Variants in SHROOM3 observed in about 807,000 individuals in gnomAD.
The protein encoded by SHROOM3 is protein Shroom3.
In SHROOM3, 47 loss-of-function variants were observed where a neutral mutation model predicts 138.6. The observed-to-expected ratio is 0.34, with a 90% CI of 0.27 to 0.43. The LOEUF is 0.43. Ranked by LOEUF, SHROOM3 falls within the 20% of genes least tolerant of loss-of-function variation. SHROOM3 has a pLI of 1.00. For missense variants in SHROOM3, 2,491 were observed against 2,596.5 expected, an observed-to-expected ratio of 0.96 and a Z score of 0.88; for synonymous variants, 1,062 against 1,063.3, an observed-to-expected ratio of 1.00 and a Z score of 0.02.
At chr4:76,767,532 C>T (rs1325367612) in intron 9 of SHROOM3, among the ~76,000 whole-genome samples, 2 of 152,116 alleles carry the variant, frequency 1.3e-5, no homozygotes, top group Non-Finnish European at 2.9e-5. Context: ...ACAAAATTAG[C>T]TGGGCGTGGT....
At chr4:76,738,651 C>T in intron 4 of SHROOM3, 110 bp from the exon 5 acceptor site, 1 of 1,374,368 alleles carries the variant, frequency 7.3e-7, no homozygotes, top group East Asian at 2.3e-5. Flanking sequence ...CCCACCCTTC[C>T]AAACACCAAA....
intron 9 of SHROOM3, among the ~76,000 whole-genome samples, chr4:76,766,275 G>A (rs1356241437): frequency 1.3e-5 from 2 of 152,228 alleles, no homozygotes; most frequent in African/African-American, 4.8e-5. Context: ...GTTTTCGGCA[G>A]GTGTTATTTT....
intron 2 of SHROOM3, among the ~76,000 whole-genome samples, chr4:76,660,526 A>G (rs1344853181): frequency 2.6e-5 from 4 of 152,150 alleles, no homozygotes; most frequent in African/African-American, 4.8e-5. Flanking sequence ...CCTGGGCTAG[A>G]GTGCAGTGGA....
At chr4:76,453,284 C>CT (rs113928987) in intron 1 of SHROOM3, among the ~76,000 whole-genome samples, 42,651 of 149,106 alleles carry the variant, frequency 0.29, 6,275 homozygotes, top group African/African-American at 0.38. Context: ...TAATTTTCTT[C>CT]TTTTTTTTTT....
At chr4:76,493,845 G>A (rs1560523603) in intron 1 of SHROOM3, among the ~76,000 whole-genome samples, 1 of 152,134 alleles carries the variant, frequency 6.6e-6, no homozygotes, top group African/African-American at 2.4e-5. Flanking sequence ...CGGGCATGGT[G>A]GTGGCCACCT....
chr4:76,555,064 G>C (rs146287915), intron 1 of SHROOM3, among the ~76,000 whole-genome samples: 3 of 151,542 alleles, frequency 2.0e-5, no homozygotes, highest in East Asian at 1.9e-4. Flanking sequence ...TCAGGGCTCC[G>C]CTGATTCTAT....
chr4:76,658,460 A>AATATTT (rs1736113937), intron 2 of SHROOM3, among the ~76,000 whole-genome samples: 1 of 152,208 alleles, frequency 6.6e-6, no homozygotes, highest in African/African-American at 2.4e-5. Flanking sequence ...CAAGACTAAA[A>AATATTT]ATATTTATTT....
At chr4:76,565,519 A>T (rs185210710) in intron 2 of SHROOM3, among the ~76,000 whole-genome samples, 102 of 152,284 alleles carry the variant, frequency 6.7e-4, no homozygotes, top group African/African-American at 2.4e-3. Context: ...TTGAGACAAG[A>T]TCTTACTCTG....
chr4:76,750,134 C>T (rs1721572011), intron 6 of SHROOM3, among the ~76,000 whole-genome samples: 1 of 152,124 alleles, frequency 6.6e-6, no homozygotes, highest in South Asian at 2.1e-4. Context: ...GCTCTTGCTC[C>T]TATAGCTGTG....
intron 2 of SHROOM3, among the ~76,000 whole-genome samples, chr4:76,627,184 T>C (rs1044714083): frequency 6.6e-6 from 1 of 152,156 alleles, no homozygotes; most frequent in East Asian, 1.9e-4. Context: ...CTGAATATTA[T>C]TCTCAGATTT....
chr4:76,612,105 G>A (rs575881649), intron 2 of SHROOM3, among the ~76,000 whole-genome samples: 7 of 152,104 alleles, frequency 4.6e-5, no homozygotes, highest in South Asian at 4.2e-4. Context: ...CTCTAAACCC[G>A]CTCAGAGGGA....
At chr4:76,641,773 T>C (rs1735675652) in intron 2 of SHROOM3, among the ~76,000 whole-genome samples, 2 of 152,210 alleles carry the variant, frequency 1.3e-5, no homozygotes, top group African/African-American at 4.8e-5. Flanking sequence ...ATGCCCTCAA[T>C]GCATTGGCCT....
At chr4:76,731,789 AAC>A (rs112982716) in intron 4 of SHROOM3, among the ~76,000 whole-genome samples, 1,838 of 96,938 alleles carry the variant, frequency 0.019, 33 homozygotes, top group African/African-American at 0.072. Flanking sequence ...TCAAAAAAAA[AAC>A]AAACAAACAA....
At chr4:76,541,964 C>G (rs1389939049) in intron 1 of SHROOM3, among the ~76,000 whole-genome samples, 1 of 152,128 alleles carries the variant, frequency 6.6e-6, no homozygotes, top group Non-Finnish European at 1.5e-5. Context: ...TGCTCATTCT[C>G]CCTCCATAAG....
intron 7 of SHROOM3, among the ~76,000 whole-genome samples, chr4:76,755,883 A>G (rs535770609): frequency 9.8e-5 from 15 of 152,358 alleles, no homozygotes; most frequent in Admixed American, 2.0e-4. Context: ...CCCTAGAACA[A>G]GTAATCTCTC....
intron 2 of SHROOM3, chr4:76,689,786 C>T (rs1309827466): frequency 1.2e-5 from 12 of 975,264 alleles, no homozygotes; most frequent in Non-Finnish European, 1.5e-5. Context: ...TCGGGCTCTG[C>T]GGCGACTCTG....
chr4:76,585,934 GTTC>G (rs1445355491), intron 2 of SHROOM3, among the ~76,000 whole-genome samples: 2 of 152,224 alleles, frequency 1.3e-5, no homozygotes, highest in African/African-American at 4.8e-5. Context: ...CCGACGCTGT[GTTC>G]TTCTTTACCT....
chr4:76,559,591 T>C (rs138069132), intron 2 of SHROOM3: 4 of 152,296 alleles, frequency 2.6e-5, no homozygotes, highest in African/African-American at 9.6e-5. Context: ...TTGGCAGCCA[T>C]GTACCTGCCT....
chr4:76,691,689 T>C lies in SHROOM3; in HGVS notation c.324-18467T>C, dbSNP rs546674931. Reference sequence around the variant, plus strand: ...GCCTGAAAGGTGGGCAGGGTGTGTGTGAAGAGTGTGCCTGAGTTTTCTCCA... The same window carrying C: ...GCCTGAAAGGTGGGCAGGGTGTGTGCGAAGAGTGTGCCTGAGTTTTCTCCA... On this transcript the variant is annotated intron_variant, in intron 2 of 10. Transcript: ENST00000296043. Among the ~76,000 whole-genome samples, 3 of 151,570 alleles carry C rather than the reference T, an allele frequency of 2.0e-5. No homozygotes were observed. The South Asian group carries it at 6.2e-4, about 31-fold the overall frequency.
Sources: gnomAD v4.1 joint callset for allele counts (sites outside exome capture counted in the v4.1 genomes callset) on GRCh38, gnomAD v4.1.1 for gene constraint, MANE v1.5 for transcripts, NCBI Gene and HGNC (gene_info 2026-07-23, HGNC 2026-07-21) for gene names.